The following OSBPL6 variants were observed in gnomAD, a reference collection of about 807,000 sequenced individuals.
The protein encoded by OSBPL6 is oxysterol binding protein like 6, also known as oxysterol-binding protein-related protein 6.
OSBPL6 carries 49 observed loss-of-function variants against 125.8 expected under a neutral mutation model. The ratio of observed to expected loss-of-function variants is 0.39; its 90% CI spans 0.31 to 0.49. The LOEUF is 0.49. Among genes scored for constraint, OSBPL6 ranks in the 20% least tolerant of loss-of-function variants. The pLI is 0.88. For missense variants in OSBPL6, 986 were observed against 1,135.4 expected (o/e 0.87, Z 1.89); for synonymous variants, 394 against 391.8 (o/e 1.01, Z -0.07).
chr2:178,263,710 A>G (rs2092135221), intron 1 of OSBPL6, among the ~76,000 whole-genome samples: 1 of 152,038 alleles, frequency 6.6e-6, no homozygotes, highest in African/African-American at 2.4e-5. Flanking sequence ...CTGTGACCAC[A>G]AACGTGTGCT....
intron 11 of OSBPL6, among the ~76,000 whole-genome samples, chr2:178,342,668 A>G (rs1037619039): frequency 6.6e-6 from 1 of 152,220 alleles, no homozygotes; most frequent in African/African-American, 2.4e-5. Flanking sequence ...TGGTTCGAAT[A>G]AAAATCTCAG....
intron 20 of OSBPL6, among the ~76,000 whole-genome samples, chr2:178,388,074 T>A (rs2154117207): frequency 6.6e-6 from 1 of 152,284 alleles, no homozygotes; most frequent in Middle Eastern, 3.4e-3. Context: ...ATCATACCAA[T>A]TCATAAACTT....
Position 178,291,792 on chromosome 2 carries a change from G to GCCTGCCAT in OSBPL6, c.-156+6673_-156+6674insTGCCATCC, listed in dbSNP as rs1553543924. On this transcript the variant is annotated intron_variant, in intron 2 of 24. Coordinates refer to ENST00000190611, the MANE Select transcript of OSBPL6 (RefSeq NM_032523.4). ...TCCTTCCCTGTTTTCCTTCCTGCCT[G>GCCTGCCAT]CCATCCATCCATCCATCCATCCATC... 9.4e-5 allele frequency among the ~76,000 whole-genome samples: 11 copies of GCCTGCCAT among 116,726 alleles called. No individual in the cohort carries two copies. The East Asian group carries it at 4.0e-3, about 42-fold the overall frequency. The allele number at this position is 116,726 out of a possible 152,430, so 76.6% of individuals were successfully genotyped here. A position where few individuals can be genotyped will look rare whatever the true frequency, so the allele number is the denominator to read the frequency against.
chr2:178,344,211 T>G (rs1690483078), intron 11 of OSBPL6: 20 of 1,299,398 alleles, frequency 1.5e-5, no homozygotes, highest in Non-Finnish European at 2.2e-5. Flanking sequence ...TGTCTGATTA[T>G]CTTTCATCCT....
intron 3 of OSBPL6, among the ~76,000 whole-genome samples, chr2:178,321,056 C>A (rs1688197965): frequency 6.6e-6 from 1 of 152,126 alleles, no homozygotes. Context: ...GAGGCTGAGG[C>A]AGGAGAATCT....
At chr2:178,345,864 A>G (rs1023157663) in intron 11 of OSBPL6, among the ~76,000 whole-genome samples, 1 of 152,216 alleles carries the variant, frequency 6.6e-6, no homozygotes, top group Non-Finnish European at 1.5e-5. Context: ...ATATAATAAA[A>G]CTGAGATTAG....
chr2:178,337,959 T>TTTTTTTTTTTTTTTA lies in OSBPL6; in HGVS notation c.791-1032_791-1031insTTTTTTTTTTTTTTA, dbSNP rs1574908211. Among the ~76,000 whole-genome samples, 4 of 150,866 alleles carry TTTTTTTTTTTTTTTA rather than the reference T, an allele frequency of 2.7e-5. No individual in the cohort carries two copies. The South Asian group carries it at 6.3e-4, about 24-fold the overall frequency. On this transcript the variant is annotated intron_variant, in intron 9 of 24. Coordinates refer to ENST00000190611, the MANE Select transcript of OSBPL6 (RefSeq NM_032523.4). The stretch of plus-strand genomic sequence containing the variant: ...GTAACTCAGTATTCTCTTTTTTTTT[T>TTTTTTTTTTTTTTTA]GAGACGGAGTCTTGCTCTATTGCAT...
chr2:178,305,374 A>C (rs575509390), intron 2 of OSBPL6, among the ~76,000 whole-genome samples: 1 of 152,346 alleles, frequency 6.6e-6, no homozygotes, highest in South Asian at 2.1e-4. Flanking sequence ...TCCAAGTAAA[A>C]AAATTGAAGT....
At chr2:178,330,281 A>G (rs954650487) in intron 5 of OSBPL6, among the ~76,000 whole-genome samples, 2 of 152,258 alleles carry the variant, frequency 1.3e-5, no homozygotes, top group Non-Finnish European at 2.9e-5. Context: ...TTAATTTAGC[A>G]CTTTCAGTCC....
intron 1 of OSBPL6, among the ~76,000 whole-genome samples, chr2:178,279,571 G>A (rs535776771): frequency 6.6e-6 from 1 of 152,268 alleles, no homozygotes; most frequent in African/African-American, 2.4e-5. Flanking sequence ...GATCTACAGA[G>A]GATATGTTTA....
chr2:178,197,774 G>A (rs1199209035), intron 1 of OSBPL6, among the ~76,000 whole-genome samples: 1 of 151,796 alleles, frequency 6.6e-6, no homozygotes, highest in Non-Finnish European at 1.5e-5. Flanking sequence ...GGTAGATATT[G>A]TATTAAAAAA....
chr2:178,391,758 C>T (rs1233749517), intron 22 of OSBPL6, among the ~76,000 whole-genome samples: 1 of 152,160 alleles, frequency 6.6e-6, no homozygotes, highest in Non-Finnish European at 1.5e-5. Flanking sequence ...ATAAATGGAA[C>T]AAGTATCCAC....
chr2:178,327,014 G>A (rs1449872971), intron 4 of OSBPL6, among the ~76,000 whole-genome samples: 2 of 151,654 alleles, frequency 1.3e-5, no homozygotes, highest in Admixed American at 1.3e-4. Context: ...TCTGGGGAAA[G>A]GGTGGGGGGT....
chr2:178,377,293 G>T lies in OSBPL6; in HGVS notation c.1533+3266G>T, dbSNP rs560539034. Among the ~76,000 whole-genome samples the T allele has an allele frequency of 5.3e-5, 8 of 152,344 alleles. 1 individual carries two copies. In the South Asian group the frequency reaches 1.4e-3, roughly 28 times the overall value. ...CAGAGCAGGAGCAAGAGAGCAAGGT[G>T]GGAGTTGCTACACACTTTTATACTA... is the stretch of plus-strand genomic sequence containing the variant. On this transcript the variant is annotated intron_variant, in intron 15 of 24. Transcript: ENST00000190611.
In OSBPL6 at chr2:178,332,894, T is replaced by C. The variant is rs757599058; in HGVS notation, c.510T>C (p.Asp170=). 6.2e-7 allele frequency: 1 copy of C among 1,613,644 alleles called. No individual in the cohort carries two copies. The highest frequency in any genetic ancestry group is 1.1e-5 in the South Asian group (1 of 91,056). The change falls in exon 8 of 25, where the codon GAT becomes GAC. Residue 170 remains aspartate, a synonymous_variant. Coordinates refer to ENST00000190611, the MANE Select transcript of OSBPL6 (RefSeq NM_032523.4). ...HLKVKSQDWF[D]AWVSKLRHHR... is the part of the protein sequence containing the mutation. ...AGGTGAAATCCCAGGACTGGTTTGATGCATGGGTCTCCAAACTGCGACATC... is the reference window on the plus strand; with the variant it reads ...AGGTGAAATCCCAGGACTGGTTTGACGCATGGGTCTCCAAACTGCGACATC...
At chr2:178,317,072 T>C (rs777910461) in intron 3 of OSBPL6, among the ~76,000 whole-genome samples, 38 of 152,104 alleles carry the variant, frequency 2.5e-4, no homozygotes, top group Non-Finnish European at 3.7e-4. Flanking sequence ...TATTTTTCTG[T>C]TTTCCCCCCA....
chr2:178,339,543 C>T, intron 10 of OSBPL6, 129 bp from the exon 11 acceptor site: 1 of 521,150 alleles, frequency 1.9e-6, no homozygotes, highest in Non-Finnish European at 3.1e-6. Context: ...ATATGCCTTT[C>T]TGTCCTGGCT....
chr2:178,303,967 A>G (rs1050293191), intron 2 of OSBPL6, among the ~76,000 whole-genome samples: 1 of 152,186 alleles, frequency 6.6e-6, no homozygotes, highest in Admixed American at 6.5e-5. Flanking sequence ...TCTCATGCTT[A>G]TGATAAAAAT....
At chr2:178,271,792 T>C (rs763830925) in intron 1 of OSBPL6, among the ~76,000 whole-genome samples, 32 of 152,218 alleles carry the variant, frequency 2.1e-4, no homozygotes, top group Non-Finnish European at 3.1e-4. Flanking sequence ...AAGGATTCAG[T>C]TGCCATTCCA....
Sources: gnomAD v4.1 joint callset for allele counts (sites outside exome capture counted in the v4.1 genomes callset) on GRCh38, gnomAD v4.1.1 for gene constraint, MANE v1.5 for transcripts, NCBI Gene and HGNC (gene_info 2026-07-23, HGNC 2026-07-21) for gene names.